The following OR52N4 variants were observed in gnomAD, a reference collection of about 807,000 sequenced individuals.
The protein encoded by OR52N4 is olfactory receptor family 52 subfamily N member 4.
In OR52N4, 15 loss-of-function variants were observed where a neutral mutation model predicts 15.0. That is an observed-to-expected ratio of 1.00 (90% CI 0.67 to 1.54). The LOEUF (loss-of-function observed/expected upper bound fraction) is 1.54, where lower values mean the gene tolerates loss of function less well. OR52N4 is among the 40% of genes most tolerant of loss of function. The pLI is 0.00. For synonymous variants in OR52N4, 143 were observed against 143.7 expected (o/e 1.00, Z 0.03); for missense variants, 421 against 394.0 (o/e 1.07, Z -0.58).
Position 5,755,817 on chromosome 11 carries a change from T to C in OR52N4, c.*111T>C, listed in dbSNP as rs1454016303. 1 of 1,304,684 alleles carries C rather than the reference T, an allele frequency of 7.7e-7. No homozygotes were observed. The highest frequency in any genetic ancestry group is 1.0e-6 in the Non-Finnish European group (1 of 964,710). 80.8% of individuals were successfully genotyped at this position (1,304,684 alleles called of 1,614,324 possible). The stretch of plus-strand genomic sequence containing the variant: ...GCACTGTATTGATCACAAAATGGAG[T>C]TTGTTAACTGGTGCATTCTCAATAA... On this transcript the variant is annotated 3_prime_UTR_variant, in exon 2 of 2. Coordinates refer to ENST00000641350, the MANE Select transcript of OR52N4 (RefSeq NM_001005175.5).
At chr11:5,748,407 ATTT>A in the OR52N4 span, among the ~76,000 whole-genome samples, 1 of 151,558 alleles carries the variant, frequency 6.6e-6, no homozygotes, top group African/African-American at 2.4e-5. Flanking sequence ...AATAATAATT[ATTT>A]TTAATTATTG....
At chr11:5,746,884 T>C in the OR52N4 span, among the ~76,000 whole-genome samples, 1 of 152,030 alleles carries the variant, frequency 6.6e-6, no homozygotes, top group Admixed American at 6.6e-5. Flanking sequence ...CTATTCATAA[T>C]AGCAAAGATA....
At position 5,755,488 on chromosome 11, in the gene OR52N4, AT is replaced by A. The variant is rs763044333; in HGVS notation, c.750del (p.Ile250MetfsTer21). On this transcript the variant is annotated frameshift_variant, in exon 2 of 2. Transcript: ENST00000641350. LOFTEE classifies it high-confidence loss of function. ...TACCTGCACTGCCCACATTTGTGCC[AT>A]TGTTTTCTCCTATACTCCAGCTTTC... ...FNTCTAHICA[I>X]VFSYTPAFFS... 6.2e-7 allele frequency: 1 copy of A among 1,613,792 alleles called. No homozygotes were observed. The highest frequency in any genetic ancestry group is 1.3e-5 in the African/African-American group (1 of 74,908).
At chr11:5,747,077 CA>C in the OR52N4 span, among the ~76,000 whole-genome samples, 14,650 of 57,282 alleles carry the variant, frequency 0.26, 961 homozygotes, top group Non-Finnish European at 0.27. Context: ...GTAAAAATAC[CA>C]AAAAAAAAAA....
chr11:5,727,939 T>A, the OR52N4 span, among the ~76,000 whole-genome samples: 1 of 152,222 alleles, frequency 6.6e-6, no homozygotes, highest in African/African-American at 2.4e-5. Flanking sequence ...AAACCCTGTA[T>A]TTCTCCATTA....
At chr11:5,727,753 T>G in the OR52N4 span, among the ~76,000 whole-genome samples, 1 of 152,192 alleles carries the variant, frequency 6.6e-6, no homozygotes, top group African/African-American at 2.4e-5. Flanking sequence ...AGTCCCTGCA[T>G]AGCCATAAGA....
chr11:5,755,726 G>A lies in OR52N4; in HGVS notation c.*20G>A. On this transcript the variant is annotated 3_prime_UTR_variant, in exon 2 of 2. Transcript: ENST00000641350. The stretch of plus-strand genomic sequence containing the variant: ...ATGTGAATGAACACTTGCCAGGAGT[G>A]AGAAGAGAAGGAAAGAATTACTTCT... 2 of 1,599,068 alleles carry A rather than the reference G, an allele frequency of 1.3e-6. No homozygotes were observed. Among genetic ancestry groups the A allele is most frequent in the Non-Finnish European group, 1.7e-6 (2 of 1,172,996 alleles).
chr11:5,748,597 G>A, the OR52N4 span, among the ~76,000 whole-genome samples: 3 of 151,692 alleles, frequency 2.0e-5, no homozygotes, highest in African/African-American at 7.3e-5. Flanking sequence ...TTTTGAACCA[G>A]GGGCCATATT....
upstream of OR52N4, among the ~76,000 whole-genome samples, chr11:5,751,504 G>A (rs1854190643): frequency 6.6e-6 from 1 of 151,280 alleles, no homozygotes; most frequent in Admixed American, 6.6e-5. Context: ...ATATTAGGTT[G>A]GTGCAAAAGG....
At chr11:5,733,107 T>A in the OR52N4 span, among the ~76,000 whole-genome samples, 1,523 of 152,360 alleles carry the variant, frequency 1.0e-2, 15 homozygotes, top group Admixed American at 0.014. Flanking sequence ...AACTTACTTA[T>A]ATTTATTCTT....
intron 1 of OR52N4, 89 bp from the exon 2 acceptor site, chr11:5,754,604 A>T: frequency 1.1e-6 from 1 of 880,840 alleles, no homozygotes; most frequent in Non-Finnish European, 1.7e-6. Context: ...TTGGACCATT[A>T]AAATGCATTA....
chr11:5,755,357 T>A lies in OR52N4; in HGVS notation c.617T>A (p.Leu206His). 1 of 1,614,092 alleles carries A rather than the reference T, an allele frequency of 6.2e-7. No homozygotes were observed. The change falls in exon 2 of 2, where the codon CTC (leucine) becomes CAC (histidine). Residue 206 changes from leucine (L) to histidine (H), a missense_variant. Transcript: ENST00000641350. ...GCCATCTATGGTCTGATGGTTGCCC[T>A]CCTGATTTGGGGCTTTGACATACTG... ...VNAIYGLMVA[L>H]LIWGFDILCI...
At chr11:5,727,178 T>A in the OR52N4 span, 1 of 152,972 alleles carries the variant, frequency 6.5e-6, no homozygotes, top group Non-Finnish European at 1.5e-5. Context: ...GCACAAGCTG[T>A]CCTTCGCCTC....
At chr11:5,735,500 A>T in the OR52N4 span, among the ~76,000 whole-genome samples, 3 of 152,222 alleles carry the variant, frequency 2.0e-5, no homozygotes, top group African/African-American at 7.2e-5. Flanking sequence ...AGAAAGAAAG[A>T]ATTATGGAAA....
the OR52N4 span, among the ~76,000 whole-genome samples, chr11:5,741,897 C>T: frequency 9.9e-5 from 15 of 152,142 alleles, no homozygotes; most frequent in African/African-American, 1.9e-4. Context: ...ACAAGGGTGA[C>T]GCCTAACATC....
At chr11:5,737,653 C>A in the OR52N4 span, 2 of 591,192 alleles carry the variant, frequency 3.4e-6, no homozygotes, top group Non-Finnish European at 5.4e-6. Flanking sequence ...ATCACAGTAG[C>A]CTAAAATATT....
At chr11:5,736,739 C>T in the OR52N4 span, 19 of 1,613,904 alleles carry the variant, frequency 1.2e-5, no homozygotes, top group Non-Finnish European at 7.6e-6. Flanking sequence ...CCTTGGCATC[C>T]TCTGTATGGT....
At chr11:5,732,412 C>T in the OR52N4 span, among the ~76,000 whole-genome samples, 198 of 152,148 alleles carry the variant, frequency 1.3e-3, 4 homozygotes, top group African/African-American at 4.4e-3. Flanking sequence ...TTATGCACTC[C>T]AAAAATAGAC....
At chr11:5,737,455 G>T in the OR52N4 span, 94 of 1,613,344 alleles carry the variant, frequency 5.8e-5, 1 homozygote, top group Admixed American at 1.1e-3. Context: ...CCTTCCAAAA[G>T]GTGCTGTTTG....
Sources: gnomAD v4.1 joint callset for allele counts (sites outside exome capture counted in the v4.1 genomes callset) on GRCh38, gnomAD v4.1.1 for gene constraint, MANE v1.5 for transcripts, NCBI Gene and HGNC (gene_info 2026-07-23, HGNC 2026-07-21) for gene names.